Variants in MKLN1 observed in about 807,000 individuals in gnomAD.
MKLN1 encodes the protein muskelin 1.
In MKLN1, 18 loss-of-function variants were observed where a neutral mutation model predicts 99.0. The ratio of observed to expected loss-of-function variants is 0.18; its 90% CI spans 0.13 to 0.27. The LOEUF is 0.27. Among genes scored for constraint, MKLN1 ranks in the 10% least tolerant of loss-of-function variants. The pLI, the probability that MKLN1 is intolerant of heterozygous loss-of-function variation, is 1.00. For synonymous variants in MKLN1, 288 were observed against 293.2 expected (o/e 0.98, Z 0.18); for missense variants, 621 against 875.9 (o/e 0.71, Z 3.67).
intron 3 of MKLN1, among the ~76,000 whole-genome samples, chr7:131,264,394 A>T (rs1797777737): frequency 6.6e-6 from 1 of 152,186 alleles, no homozygotes; most frequent in Non-Finnish European, 1.5e-5. Flanking sequence ...GTAAGGAAAA[A>T]CTATGCATCT....
rs563852570 is a variant in MKLN1, at chr7:131,264,650, G to T, written c.-179+61676G>T. ...TTTTTGGGTCCCCGGAGGGTTTTTG[G>T]GTTTTTTTTCTTTTTAGTTATTATT... On this transcript the variant is annotated intron_variant, in intron 3 of 7. Transcript: ENST00000416992. 1.9e-4 allele frequency among the ~76,000 whole-genome samples: 29 copies of T among 150,136 alleles called. No individual in the cohort carries two copies. The East Asian group carries it at 2.9e-3, about 15-fold the overall frequency.
chr7:131,213,848 C>G (rs1385215756), intron 3 of MKLN1, among the ~76,000 whole-genome samples: 2 of 152,120 alleles, frequency 1.3e-5, no homozygotes, highest in African/African-American at 4.8e-5. Flanking sequence ...TTTTTGAATA[C>G]TAACACATGG....
chr7:131,204,976 T>C lies in MKLN1; in HGVS notation c.-179+2002T>C, dbSNP rs182342935. On this transcript the variant is annotated intron_variant, in intron 3 of 7. Coordinates refer to the MKLN1 transcript ENST00000416992. ...AGCTGGGTGTGGTGGTGGGCACCTG[T>C]AACCCTAGCTACTTGGGAGGCTGAG... 8.7e-3 allele frequency among the ~76,000 whole-genome samples: 1,304 copies of C among 150,612 alleles called. 5 individuals are homozygous for C. The highest frequency in any genetic ancestry group is 0.014 in the Non-Finnish European group (944 of 67,808).
At chr7:131,317,582 C>A (rs934877436) in intron 3 of MKLN1, among the ~76,000 whole-genome samples, 1 of 151,852 alleles carries the variant, frequency 6.6e-6, no homozygotes, top group Non-Finnish European at 1.5e-5. Flanking sequence ...ATCATGATGA[C>A]AGGATCAAAT....
At chr7:131,379,793 C>G (rs1244187342) in intron 2 of MKLN1, among the ~76,000 whole-genome samples, 8 of 152,144 alleles carry the variant, frequency 5.3e-5, no homozygotes, top group Non-Finnish European at 1.2e-4. Context: ...ACATTGCATC[C>G]CTGTATCAAA....
chr7:131,189,267 G>A (rs79780679), intron 2 of MKLN1, among the ~76,000 whole-genome samples: 3 of 152,206 alleles, frequency 2.0e-5, no homozygotes, highest in Non-Finnish European at 4.4e-5. Flanking sequence ...GGATGTGATT[G>A]AAATGACAGA....
intron 14 of MKLN1, among the ~76,000 whole-genome samples, chr7:131,465,115 A>G (rs1796621787): frequency 6.6e-6 from 1 of 152,186 alleles, no homozygotes; most frequent in Admixed American, 6.5e-5. Context: ...TAAGGAGTAA[A>G]TGAATTTCCA....
intron 3 of MKLN1, among the ~76,000 whole-genome samples, chr7:131,276,776 G>T (rs139179037): frequency 4.9e-4 from 74 of 152,250 alleles, no homozygotes; most frequent in Admixed American, 7.8e-4. Context: ...CTTTCCTGAT[G>T]GATATGCCAC....
intron 1 of MKLN1, among the ~76,000 whole-genome samples, chr7:131,111,356 C>T (rs939305189): frequency 1.3e-5 from 2 of 152,194 alleles, no homozygotes; most frequent in African/African-American, 2.4e-5. Flanking sequence ...GGATTATTAT[C>T]GATTGCCTCA....
chr7:131,241,118 C>T (rs2116493764), intron 3 of MKLN1, among the ~76,000 whole-genome samples: 1 of 152,326 alleles, frequency 6.6e-6, no homozygotes, highest in African/African-American at 2.4e-5. Context: ...GCAGGCTAGG[C>T]TGTGATCCCA....
intron 2 of MKLN1, among the ~76,000 whole-genome samples, chr7:131,378,190 C>T (rs950885278): frequency 6.6e-6 from 1 of 152,192 alleles, no homozygotes; most frequent in Non-Finnish European, 1.5e-5. Context: ...TGGCTCACTG[C>T]AGCCTCCACC....
chr7:131,464,935 T>A (rs970197056), intron 14 of MKLN1, among the ~76,000 whole-genome samples: 3 of 152,218 alleles, frequency 2.0e-5, no homozygotes, highest in Non-Finnish European at 2.9e-5. Context: ...AACTTAACCA[T>A]GTACTTAAGT....
intron 16 of MKLN1, 26 bp from the exon 17 acceptor site, chr7:131,478,597 T>TC (rs1211334166): frequency 2.3e-5 from 22 of 960,450 alleles, no homozygotes; most frequent in South Asian, 2.8e-5. Flanking sequence ...TGCTGCTTCT[T>TC]TTTTTTTTTT....
At chr7:131,428,064 G>A (rs1433432496) in intron 8 of MKLN1, among the ~76,000 whole-genome samples, 4 of 151,076 alleles carry the variant, frequency 2.6e-5, no homozygotes, top group East Asian at 3.9e-4. Flanking sequence ...CCAGCTACTC[G>A]AGAGGCTGGG....
At chr7:131,461,560 A>G (rs1255834699) in intron 12 of MKLN1, among the ~76,000 whole-genome samples, 1 of 152,216 alleles carries the variant, frequency 6.6e-6, no homozygotes, top group Non-Finnish European at 1.5e-5. Flanking sequence ...AAGGACATGA[A>G]TTTAAGGTAG....
intron 7 of MKLN1, among the ~76,000 whole-genome samples, chr7:131,413,355 G>T (rs1794931302): frequency 6.6e-6 from 1 of 152,118 alleles, no homozygotes; most frequent in Admixed American, 6.5e-5. Flanking sequence ...TAGCACCCTT[G>T]TAAAATTAGT....
intron 2 of MKLN1, among the ~76,000 whole-genome samples, chr7:131,156,035 A>G (rs1795957962): frequency 6.6e-6 from 1 of 152,186 alleles, no homozygotes; most frequent in African/African-American, 2.4e-5. Flanking sequence ...TTATTTGGGA[A>G]GCTAGAAATA....
In MKLN1 at chr7:131,129,263, A is replaced by G. The variant is rs562012321; in HGVS notation, c.-418-13557A>G. On this transcript the variant is annotated intron_variant, in intron 1 of 7. Transcript: ENST00000416992. ...TAAGCACTCTCATACCACATTGGGA[A>G]TATAAATTGGTATAAACCTTCTGAG... Among the ~76,000 whole-genome samples, 3 of 152,322 alleles carry G rather than the reference A, an allele frequency of 2.0e-5. No homozygotes were observed. In the South Asian group the frequency reaches 6.2e-4, roughly 32 times the overall value.
intron 16 of MKLN1, among the ~76,000 whole-genome samples, chr7:131,473,242 G>C (rs531361679): frequency 4.6e-5 from 7 of 152,164 alleles, no homozygotes; most frequent in African/African-American, 1.7e-4. Context: ...CATTGAGAAG[G>C]GGCTTACTGT....
Sources: allele counts gnomAD v4.1 joint callset (sites outside exome capture counted in the v4.1 genomes callset), GRCh38; gene constraint gnomAD v4.1.1; transcripts MANE v1.5; gene names NCBI Gene and HGNC (gene_info 2026-07-23, HGNC 2026-07-21).